BPIFB1: variants seen among roughly 807,000 people sequenced by gnomAD.
BPIFB1 encodes BPI fold-containing family B member 1.
Under a neutral mutation model 55.1 loss-of-function variants are expected in BPIFB1, and 34 were observed. The observed-to-expected ratio is 0.62, with a 90% CI of 0.47 to 0.82. BPIFB1 has a LOEUF of 0.82. BPIFB1 is among the 40% of genes least tolerant of loss of function. The pLI is 0.00. For synonymous variants in BPIFB1, 236 were observed against 245.3 expected (o/e 0.96, Z 0.35); for missense variants, 532 against 593.1 (o/e 0.90, Z 1.07).
At chr20:33,304,732 G>A in intron 12 of BPIFB1, 114 bp from the exon 13 acceptor site, 1 of 1,331,242 alleles carries the variant, frequency 7.5e-7, no homozygotes, top group Non-Finnish European at 1.1e-6. Flanking sequence ...GTGGTTCACT[G>A]GAGCCCGCAC....
rs1980883667 is a variant in BPIFB1, at chr20:33,302,428, A to G, written c.981+16A>G. On this transcript the variant is annotated intron_variant, in intron 10 of 15. Coordinates refer to ENST00000253354, the MANE Select transcript of BPIFB1 (RefSeq NM_033197.3). ...CAATGAAAAGGTTGGTCTGTTTGCC[A>G]TCTGCAGCTTGAGGGGTGTTTGCTG... 4.3e-6 allele frequency: 7 copies of G among 1,613,804 alleles called. No individual in the cohort carries two copies. The East Asian group carries it at 1.6e-4, about 36-fold the overall frequency.
At chr20:33,305,370 A>C (rs189235241) in intron 13 of BPIFB1, among the ~76,000 whole-genome samples, 162 of 130,748 alleles carry the variant, frequency 1.2e-3, no homozygotes, top group Non-Finnish European at 2.1e-3. Flanking sequence ...CAGGCTGGAG[A>C]GCAGTGGTGT....
Position 33,289,984 on chromosome 20 carries a change from A to C in BPIFB1, c.357A>C (p.Gly119=). 3 of 1,613,946 alleles carry C rather than the reference A, an allele frequency of 1.9e-6. No homozygotes were observed. The highest frequency in any genetic ancestry group is 1.1e-5 in the South Asian group (1 of 91,080). Residue 119 remains glycine (G), a synonymous_variant, in exon 4 of 16, where the codon GGA becomes GGC. Transcript: ENST00000253354. ...AGATCCCCCTGGACATGGTGGCTGG[A>C]TTCAACACGTGAGTGACCCCTCCAT... The part of the protein sequence containing the change: ...LVKIPLDMVA[G]FNTPLVKTIV...
intron 9 of BPIFB1, 32 bp downstream of exon 9, chr20:33,301,444 C>A (rs367627868): frequency 1.1e-5 from 18 of 1,588,670 alleles, no homozygotes; most frequent in Non-Finnish European, 1.4e-5. Flanking sequence ...AGAATAGGGC[C>A]GCCCAGGCCA....
chr20:33,306,608 A>G, intron 14 of BPIFB1: 1 of 387,020 alleles, frequency 2.6e-6, no homozygotes, highest in Non-Finnish European at 4.7e-6. Context: ...ATTAGACTGG[A>G]AAAATCTCAA....
chr20:33,308,693 C>CAT (rs1723583376), intron 15 of BPIFB1, among the ~76,000 whole-genome samples: 1 of 133,170 alleles, frequency 7.5e-6, no homozygotes, highest in South Asian at 2.2e-4. Flanking sequence ...CACATACATA[C>CAT]ACACACACAC....
At chr20:33,286,859 A>G (rs1353234822) in intron 2 of BPIFB1, among the ~76,000 whole-genome samples, 1 of 152,238 alleles carries the variant, frequency 6.6e-6, no homozygotes, top group African/African-American at 2.4e-5. Flanking sequence ...AGACATTGAC[A>G]AATATCTCTT....
At chr20:33,295,957 A>C (rs1247961712) in intron 6 of BPIFB1, among the ~76,000 whole-genome samples, 1 of 97,286 alleles carries the variant, frequency 1.0e-5, no homozygotes, top group Non-Finnish European at 1.9e-5. Context: ...AGAGAGAGGG[A>C]GGGAGGGAAG....
At chr20:33,291,205 A>G (rs1980462056) in intron 5 of BPIFB1, 99 bp downstream of exon 5, 1 of 1,426,312 alleles carries the variant, frequency 7.0e-7, no homozygotes, top group African/African-American at 1.4e-5. Context: ...GCTGAGGCCT[A>G]GAGAAAGAAA....
chr20:33,299,380 A>G (rs575821976), intron 7 of BPIFB1, among the ~76,000 whole-genome samples: 1 of 152,208 alleles, frequency 6.6e-6, no homozygotes, highest in Non-Finnish European at 1.5e-5. Flanking sequence ...TGGATTTCAG[A>G]GTAGATGTTA....
intron 7 of BPIFB1, among the ~76,000 whole-genome samples, chr20:33,298,413 G>A (rs568546635): frequency 2.6e-5 from 4 of 152,332 alleles, no homozygotes; most frequent in South Asian, 2.1e-4. Context: ...GGAAACTGGC[G>A]GAGAAGAAGA....
chr20:33,303,994 G>C lies in BPIFB1; in HGVS notation c.1177G>C (p.Asp393His). 6.2e-7 allele frequency: 1 copy of C among 1,613,728 alleles called. No homozygotes were observed. The highest frequency in any genetic ancestry group is 8.5e-7 in the Non-Finnish European group (1 of 1,179,930). The part of the protein sequence containing the change: ...SSEAQFYTKG[D>H]QLILNLNNIS... ...GGAAGCTCAGTTTTACACCAAAGGT[G>C]ACCAACTTATACTCAACTTGAATAA... The change falls in exon 12 of 16, where the codon GAC becomes CAC. Residue 393 changes from aspartate (D) to histidine (H), a missense_variant. Coordinates refer to ENST00000253354, the MANE Select transcript of BPIFB1 (RefSeq NM_033197.3).
intron 3 of BPIFB1, 110 bp downstream of exon 3, chr20:33,288,992 A>G: frequency 1.6e-6 from 2 of 1,287,310 alleles, no homozygotes; most frequent in Non-Finnish European, 2.1e-6. Context: ...GTGTCAGATC[A>G]CAAAGAGTGG....
chr20:33,300,537 C>T (rs529231460), intron 8 of BPIFB1, among the ~76,000 whole-genome samples: 3 of 152,278 alleles, frequency 2.0e-5, no homozygotes, highest in African/African-American at 2.4e-5. Context: ...TGTGGCTGGA[C>T]GCCCCAAAGG....
rs760927235 is a variant in BPIFB1, at chr20:33,288,724, C to T, written c.116-17C>T. 2 of 1,611,956 alleles carry T rather than the reference C, an allele frequency of 1.2e-6. No individual in the cohort carries two copies. Among genetic ancestry groups the T allele is most frequent in the South Asian group, 2.2e-5 (2 of 90,758 alleles). On this transcript the variant is annotated splice_polypyrimidine_tract_variant and intron_variant, in intron 2 of 15. Coordinates refer to ENST00000253354, the MANE Select transcript of BPIFB1 (RefSeq NM_033197.3). ...TGCCCCTCCTCCTGGGCCCTAATCC[C>T]TGGGGTCTGCCTCCAGAGCTGACAC...
Position 33,297,723 on chromosome 20 carries a change from T to C in BPIFB1, c.661+135T>C, listed in dbSNP as rs535910551. On this transcript the variant is annotated intron_variant, in intron 7 of 15. Coordinates refer to ENST00000253354, the MANE Select transcript of BPIFB1 (RefSeq NM_033197.3). ...GGCCCAGAAGCAGGTGAGACAAGCA[T>C]CAGTTGATCCCTGCCCCAGACGCGC... The C allele has an allele frequency of 4.5e-6, 4 of 888,180 alleles. No individual in the cohort carries two copies. The East Asian group carries it at 9.7e-5, about 21-fold the overall frequency. The allele number at this position is 888,180 out of a possible 1,614,324, so 55.0% of individuals were successfully genotyped here.
chr20:33,300,084 C>G, intron 8 of BPIFB1, 100 bp downstream of exon 8: 1 of 1,038,834 alleles, frequency 9.6e-7, no homozygotes, highest in Non-Finnish European at 1.5e-6. Context: ...AGAGAAAATC[C>G]TGGTCACCAT....
intron 8 of BPIFB1, 148 bp from the exon 9 acceptor site, chr20:33,301,085 T>C: frequency 1.4e-6 from 1 of 713,056 alleles, no homozygotes; most frequent in East Asian, 2.6e-5. Context: ...GGAGTAGATG[T>C]TGCCACACAC....
chr20:33,283,787 T>G (rs907529579), intron 1 of BPIFB1, among the ~76,000 whole-genome samples: 4 of 151,576 alleles, frequency 2.6e-5, no homozygotes, highest in Non-Finnish European at 4.4e-5. Context: ...GGAGAGGAGG[T>G]GCCATATGAC....
Sources: gnomAD v4.1 joint callset for allele counts (sites outside exome capture counted in the v4.1 genomes callset) on GRCh38, gnomAD v4.1.1 for gene constraint, MANE v1.5 for transcripts, NCBI Gene and HGNC (gene_info 2026-07-23, HGNC 2026-07-21) for gene names.